INVS: variants seen among roughly 807,000 people sequenced by gnomAD.
INVS encodes the protein inversin.
In INVS, 86 loss-of-function variants were observed where a neutral mutation model predicts 108.8. The ratio of observed to expected loss-of-function variants is 0.79; its 90% confidence interval spans 0.66 to 0.95. INVS has a LOEUF of 0.95. INVS is among the 40% of genes least tolerant of loss of function. The pLI, the probability that INVS is intolerant of heterozygous loss-of-function variation, is 0.00. For missense variants in INVS, 1,169 were observed against 1,297.4 expected, an observed-to-expected ratio of 0.90 and a Z score of 1.52; for synonymous variants, 455 against 473.5, an observed-to-expected ratio of 0.96 and a Z score of 0.51.
chr9:100,292,937 C>T lies in INVS; in HGVS notation c.2680C>T (p.Leu894Phe). The change falls in exon 14 of 17, where the codon CTC becomes TTC. Residue 894 changes from leucine to phenylalanine, a missense_variant. Leu to Phe is a conservative substitution (Grantham distance 22). This residue lies in a region of INVS where 533 missense variants were observed against 536.0 expected (regional missense o/e 0.99). Transcript: ENST00000262457. ...TGGGCAGAGTGTGAATATTGACCTT[C>T]TCCCCGTAGAGCTCCGACTGCAGAT... ...LSGQSVNIDL[L>F]PVELRLQIIQ... The T allele has an allele frequency of 1.2e-6, 2 of 1,613,380 alleles. No homozygotes were observed. The highest frequency in any genetic ancestry group is 1.7e-6 in the Non-Finnish European group (2 of 1,179,336).
At chr9:100,182,994 A>G (rs1264200253) in intron 3 of INVS, among the ~76,000 whole-genome samples, 5 of 152,200 alleles carry the variant, frequency 3.3e-5, no homozygotes, top group Non-Finnish European at 1.5e-5. Flanking sequence ...TTAAACTGGA[A>G]ACCATCATTC....
intron 3 of INVS, among the ~76,000 whole-genome samples, chr9:100,176,693 G>A (rs1829722401): frequency 1.3e-5 from 2 of 151,900 alleles, no homozygotes; most frequent in Admixed American, 1.3e-4. Flanking sequence ...GGCCAGACTG[G>A]TCTTGAACTC....
At chr9:100,267,036 A>AG (rs1007386198) in intron 11 of INVS, among the ~76,000 whole-genome samples, 1 of 151,164 alleles carries the variant, frequency 6.6e-6, no homozygotes, top group African/African-American at 2.4e-5. Flanking sequence ...AAAAAAAAAA[A>AG]AAAAAAAGAA....
intron 5 of INVS, among the ~76,000 whole-genome samples, chr9:100,232,863 T>G (rs926605299): frequency 1.3e-5 from 2 of 152,178 alleles, no homozygotes; most frequent in African/African-American, 4.8e-5. Flanking sequence ...ATAGGAAATT[T>G]AAAGTAGTTT....
chr9:100,275,876 A>ATG (rs1833096241), intron 12 of INVS, among the ~76,000 whole-genome samples: 1 of 152,226 alleles, frequency 6.6e-6, no homozygotes, highest in Admixed American at 6.5e-5. Flanking sequence ...TGCACTGCCT[A>ATG]TGTTGTTGCC....
At position 100,302,026 on chromosome 9, in the gene INVS, A is replaced by G. The variant is rs1258247345; in HGVS notation, c.*1352A>G. On this transcript the variant is annotated 3_prime_UTR_variant, in exon 17 of 17. Coordinates refer to ENST00000262457, the MANE Select transcript of INVS (RefSeq NM_014425.5). ...GTCCGGGAAGCCAGCCTACACATCA[A>G]TAGGAACGCCCAAACATTATTTTCA... The G allele has an allele frequency of 6.0e-6, 3 of 496,324 alleles. No homozygotes were observed. The highest frequency in any genetic ancestry group is 1.9e-5 in the African/African-American group (1 of 52,644). 30.7% of individuals were successfully genotyped at this position (496,324 alleles called of 1,614,324 possible). A position where few individuals can be genotyped will look rare whatever the true frequency, so the allele number is the denominator to read the frequency against.
intron 3 of INVS, among the ~76,000 whole-genome samples, chr9:100,180,822 A>G (rs1829866718): frequency 6.6e-6 from 1 of 152,140 alleles, no homozygotes; most frequent in Admixed American, 6.6e-5. Context: ...CAGAGACACA[A>G]CAAAAAAAGA....
chr9:100,204,111 T>C (rs1830609277), intron 3 of INVS, among the ~76,000 whole-genome samples: 1 of 152,158 alleles, frequency 6.6e-6, no homozygotes, highest in East Asian at 1.9e-4. Flanking sequence ...TTGAGGAAAC[T>C]GAGGCCCAGA....
At chr9:100,137,518 T>C (rs1828266100) in intron 3 of INVS, among the ~76,000 whole-genome samples, 1 of 151,892 alleles carries the variant, frequency 6.6e-6, no homozygotes, top group Non-Finnish European at 1.5e-5. Flanking sequence ...TCAGAATTTA[T>C]AAGATCTATA....
intron 10 of INVS, among the ~76,000 whole-genome samples, chr9:100,253,403 A>G (rs1330674387): frequency 7.1e-6 from 1 of 139,928 alleles, no homozygotes; most frequent in Admixed American, 7.2e-5. Context: ...ATAAACATAA[A>G]TATATGATTT....
chr9:100,152,845 T>G (rs948256475), intron 3 of INVS, among the ~76,000 whole-genome samples: 1 of 152,206 alleles, frequency 6.6e-6, no homozygotes, highest in Non-Finnish European at 1.5e-5. Flanking sequence ...TTTGGGTCCT[T>G]TTATTCAAGT....
intron 2 of INVS, among the ~76,000 whole-genome samples, chr9:100,111,568 G>A (rs907707692): frequency 1.3e-5 from 2 of 152,218 alleles, no homozygotes; most frequent in African/African-American, 2.4e-5. Context: ...GCACAACACA[G>A]CACAGTAGCC....
At chr9:100,148,667 C>T (rs1564133001) in intron 3 of INVS, among the ~76,000 whole-genome samples, 1 of 152,170 alleles carries the variant, frequency 6.6e-6, no homozygotes, top group Non-Finnish European at 1.5e-5. Context: ...ATGTTTAACA[C>T]ATTAAAATGA....
rs1833948891 is a variant in INVS at position 100,300,966 on chromosome 9, A to T, written c.*292A>T. On this transcript the variant is annotated 3_prime_UTR_variant, in exon 17 of 17. Coordinates refer to ENST00000262457, the MANE Select transcript of INVS (RefSeq NM_014425.5). The stretch of plus-strand genomic sequence containing the variant: ...CTCAGTCTGTACAGTTGGAAATGAG[A>T]ATTCATAATTAACAGCAAAATCTAA... The T allele has an allele frequency of 2.6e-6, 1 of 387,750 alleles. No homozygotes were observed. The highest frequency in any genetic ancestry group is 4.7e-6 in the Non-Finnish European group (1 of 211,922). 24.0% of individuals were successfully genotyped at this position (387,750 alleles called of 1,614,324 possible).
chr9:100,128,896 A>G (rs1002937250), intron 3 of INVS, among the ~76,000 whole-genome samples: 4 of 152,218 alleles, frequency 2.6e-5, no homozygotes, highest in South Asian at 2.1e-4. Context: ...ATATGAAAGA[A>G]GAAATCAGCC....
intron 3 of INVS, among the ~76,000 whole-genome samples, chr9:100,159,076 G>A (rs182460399): frequency 6.6e-6 from 1 of 152,216 alleles, no homozygotes; most frequent in Non-Finnish European, 1.5e-5. Flanking sequence ...AGAACCATAA[G>A]CCAAATAAAC....
intron 3 of INVS, among the ~76,000 whole-genome samples, chr9:100,154,822 A>G (rs1828922950): frequency 6.6e-6 from 1 of 152,222 alleles, no homozygotes; most frequent in Non-Finnish European, 1.5e-5. Context: ...GAGATAATGT[A>G]GAGGACACAG....
rs1387548295 is a variant in INVS at position 100,256,268 on chromosome 9, T to C, written c.1464+3132T>C. On this transcript the variant is annotated intron_variant, in intron 10 of 16. Coordinates refer to ENST00000262457, the MANE Select transcript of INVS (RefSeq NM_014425.5). ...GTGGGATTGGTGGTGATATTCCCTT[T>C]ATCATTTTTTATTGCATCTATTTGA... 5.9e-5 allele frequency among the ~76,000 whole-genome samples: 9 copies of C among 152,356 alleles called. 1 individual carries two copies.
At chr9:100,226,885 A>C (rs1043171960) in intron 4 of INVS, among the ~76,000 whole-genome samples, 1 of 151,822 alleles carries the variant, frequency 6.6e-6, no homozygotes, top group Non-Finnish European at 1.5e-5. Context: ...GAGTCATAAT[A>C]GTTACTATAG....
Sources: gnomAD v4.1 joint callset for allele counts (sites outside exome capture counted in the v4.1 genomes callset) on GRCh38, gnomAD v4.1.1 for gene constraint, gnomAD v4.1.1 regional missense constraint, MANE v1.5 for transcripts, NCBI Gene and HGNC (gene_info 2026-07-23, HGNC 2026-07-21) for gene names.